EYS: variants seen among roughly 807,000 people sequenced by gnomAD.
EYS encodes EGF-like photoreceptor maintenance factor.
In EYS, 250 loss-of-function variants were observed where a neutral mutation model predicts 282.1. The ratio of observed to expected loss-of-function variants is 0.89; its 90% CI spans 0.80 to 0.98. EYS has a LOEUF of 0.98. Among genes scored for constraint, EYS ranks in the 50% least tolerant of loss-of-function variants. The pLI, the probability that EYS is intolerant of heterozygous loss-of-function variation, is 0.00. For synonymous variants in EYS, 1,355 were observed against 1,282.9 expected (o/e 1.06, Z -1.20); for missense variants, 4,016 against 3,709.0 (o/e 1.08, Z -2.15).
At chr6:65,338,599 TTTGA>T (rs780553194) in intron 10 of EYS, among the ~76,000 whole-genome samples, 10 of 151,040 alleles carry the variant, frequency 6.6e-5, no homozygotes, top group African/African-American at 1.9e-4. Context: ...ATTATTAAAC[TTTGA>T]TTGCACAAAA....
At chr6:64,007,282 T>A (rs1257463278) in intron 33 of EYS, among the ~76,000 whole-genome samples, 1 of 152,076 alleles carries the variant, frequency 6.6e-6, no homozygotes, top group Non-Finnish European at 1.5e-5. Context: ...TTTGTGTGCA[T>A]AGTGGTGTTT....
chr6:63,741,791 T>C, intron 41 of EYS: 1 of 611,890 alleles, frequency 1.6e-6, no homozygotes, highest in Non-Finnish European at 3.0e-6. Flanking sequence ...ACTGTCAACA[T>C]TTCACCTAAT....
At chr6:64,957,756 A>C (rs1043105926) in intron 14 of EYS, among the ~76,000 whole-genome samples, 1 of 152,170 alleles carries the variant, frequency 6.6e-6, no homozygotes, top group Non-Finnish European at 1.5e-5. Flanking sequence ...AAAAATAAAA[A>C]TAAATGCAAC....
intron 2 of EYS, among the ~76,000 whole-genome samples, chr6:65,532,828 GTATAATC>G (rs966078864): frequency 1.3e-5 from 2 of 152,030 alleles, no homozygotes; most frequent in African/African-American, 4.8e-5. Flanking sequence ...AAACTAAAGG[GTATAATC>G]TCTACTTCTG....
intron 18 of EYS, among the ~76,000 whole-genome samples, chr6:64,889,005 A>T (rs1767188229): frequency 6.6e-6 from 1 of 152,116 alleles, no homozygotes; most frequent in Non-Finnish European, 1.5e-5. Context: ...TACTTCTGAC[A>T]GTTCTATTAT....
At position 65,003,578 on chromosome 6, in the gene EYS, C is replaced by A. The variant is rs1771537357; in HGVS notation, c.2138-5875G>T. ...TCGCACACTCCCTCCCCTTTTGAAA[C>A]TCCCTAATAAAAACTTGCTGGGTTT... On this transcript the variant is annotated intron_variant, in intron 13 of 42. Transcript: ENST00000503581. 1.4e-5 allele frequency among the ~76,000 whole-genome samples: 2 copies of A among 147,272 alleles called. 1 individual carries two copies. The highest frequency in any genetic ancestry group is 3.0e-5 in the Non-Finnish European group (2 of 65,812).
intron 35 of EYS, among the ~76,000 whole-genome samples, chr6:63,936,555 T>C (rs913259309): frequency 6.6e-6 from 1 of 152,230 alleles, no homozygotes; most frequent in African/African-American, 2.4e-5. Flanking sequence ...TAGCAGGCAA[T>C]GTCCAGGCAT....
At chr6:64,461,276 AT>A in intron 26 of EYS, among the ~76,000 whole-genome samples, 1 of 152,234 alleles carries the variant, frequency 6.6e-6, no homozygotes, top group African/African-American at 2.4e-5. Flanking sequence ...CATAAATATG[AT>A]TTTTTCTCAA....
chr6:65,113,250 C>T (rs4305705), intron 12 of EYS, among the ~76,000 whole-genome samples: 39,819 of 151,686 alleles, frequency 0.26, 6,409 homozygotes, highest in African/African-American at 0.45. Flanking sequence ...CTCAGTGAAA[C>T]CTAAATGTAT....
intron 12 of EYS, among the ~76,000 whole-genome samples, chr6:65,140,100 C>T (rs192468340): frequency 6.6e-6 from 1 of 151,858 alleles, no homozygotes; most frequent in South Asian, 2.1e-4. Context: ...AATTTTCAAG[C>T]TGTCATTATA....
At chr6:65,530,267 C>T (rs1767715347) in intron 2 of EYS, among the ~76,000 whole-genome samples, 1 of 152,174 alleles carries the variant, frequency 6.6e-6, no homozygotes, top group Non-Finnish European at 1.5e-5. Context: ...AGCAATTTCT[C>T]AGTGTCTATC....
At chr6:65,589,490 ACACT>A (rs902271664) in intron 2 of EYS, among the ~76,000 whole-genome samples, 3 of 152,026 alleles carry the variant, frequency 2.0e-5, no homozygotes, top group African/African-American at 7.2e-5. Context: ...ACTTGTACAC[ACACT>A]CACTACCTCT....
chr6:64,709,926 C>T (rs16895682), intron 22 of EYS, among the ~76,000 whole-genome samples: 3,315 of 152,218 alleles, frequency 0.022, 96 homozygotes, highest in East Asian at 0.14. Context: ...TTGGAATCTA[C>T]TGTGTGACTT....
At chr6:65,629,106 G>T (rs1359312923) in intron 2 of EYS, among the ~76,000 whole-genome samples, 1 of 152,172 alleles carries the variant, frequency 6.6e-6, no homozygotes, top group East Asian at 1.9e-4. Context: ...AGTTTAAGAT[G>T]ATGCTCAGTC....
At chr6:64,025,357 C>A (rs1398255975) in intron 33 of EYS, among the ~76,000 whole-genome samples, 1 of 152,166 alleles carries the variant, frequency 6.6e-6, no homozygotes, top group Non-Finnish European at 1.5e-5. Context: ...GTTGACCCTG[C>A]AGCCATGAGC....
At chr6:64,298,246 T>G (rs1218265133) in intron 30 of EYS, among the ~76,000 whole-genome samples, 2 of 152,284 alleles carry the variant, frequency 1.3e-5, no homozygotes, top group Admixed American at 6.5e-5. Context: ...ATTAAACAGA[T>G]TAATACATTA....
chr6:63,985,466 A>C (rs1767311930), intron 34 of EYS, among the ~76,000 whole-genome samples: 1 of 151,736 alleles, frequency 6.6e-6, no homozygotes, highest in Non-Finnish European at 1.5e-5. Flanking sequence ...TGACAAACTA[A>C]TGTAATCATA....
At chr6:63,884,259 A>G (rs1773207282) in intron 35 of EYS, among the ~76,000 whole-genome samples, 1 of 152,198 alleles carries the variant, frequency 6.6e-6, no homozygotes, top group South Asian at 2.1e-4. Context: ...TAGTGTTTCC[A>G]TTACTAAGAA....
chr6:65,598,237 CA>C (rs1554215265), intron 2 of EYS, among the ~76,000 whole-genome samples: 4,877 of 46,020 alleles, frequency 0.11, 551 homozygotes, highest in South Asian at 0.13. Context: ...CCTCCCCACC[CA>C]CCCCCCCCCC....
Sources: allele counts gnomAD v4.1 joint callset (sites outside exome capture counted in the v4.1 genomes callset), GRCh38; gene constraint gnomAD v4.1.1; transcripts MANE v1.5; gene names NCBI Gene and HGNC (gene_info 2026-07-23, HGNC 2026-07-21).